OVOL1: variants seen among roughly 807,000 people sequenced by gnomAD.
OVOL1 encodes the protein ovo like transcriptional repressor 1.
A neutral mutation model predicts 21.5 loss-of-function variants in OVOL1; 10 were observed. The observed-to-expected ratio is 0.46, with a 90% CI of 0.29 to 0.79. The LOEUF (loss-of-function observed/expected upper bound fraction) is 0.79. OVOL1 is among the 30% of genes least tolerant of loss of function. OVOL1 has a pLI of 0.10. For missense variants in OVOL1, 279 were observed against 362.3 expected, an observed-to-expected ratio of 0.77 and a Z score of 1.87; for synonymous variants, 129 against 150.3, an observed-to-expected ratio of 0.86 and a Z score of 1.03.
At chr11:65,789,111 A>T (rs1857958723) in intron 1 of OVOL1, 1 of 958,240 alleles carries the variant, frequency 1.0e-6, no homozygotes, top group Non-Finnish European at 1.2e-6. Flanking sequence ...TTTATTTCAC[A>T]TCCCAATCAG....
Position 65,788,962 on chromosome 11 carries a change from C to G in OVOL1, c.100+1489C>G, listed in dbSNP as rs192037147. 1.7e-4 allele frequency: 171 copies of G among 986,058 alleles called. 2 individuals are homozygous for G. The East Asian group carries it at 0.017, about 97-fold the overall frequency. 61.1% of individuals were successfully genotyped at this position (986,058 alleles called of 1,614,324 possible). ...ACGCAGAGGGCCAGAGCCCCCTCCC[C>G]GCTCCGCCCTCCGCCCTCCACCCTC... On this transcript the variant is annotated intron_variant, in intron 1 of 3. Transcript: ENST00000335987.
chr11:65,793,169 G>A (rs530783194), intron 1 of OVOL1, among the ~76,000 whole-genome samples: 2 of 152,226 alleles, frequency 1.3e-5, no homozygotes, highest in Non-Finnish European at 2.9e-5. Context: ...TCCCTCGAGA[G>A]TGCTCTCTTT....
Position 65,794,188 on chromosome 11 carries a change from C to T in OVOL1, c.258C>T (p.Asp86=), listed in dbSNP as rs752273182. 1 of 1,613,648 alleles carries T rather than the reference C, an allele frequency of 6.2e-7. No individual in the cohort carries two copies. Among genetic ancestry groups the T allele is most frequent in the Non-Finnish European group, 8.5e-7 (1 of 1,180,012 alleles). The change falls in exon 2 of 4, where the codon GAC becomes GAT. Residue 86 remains aspartate (D), a synonymous_variant. Coordinates refer to ENST00000335987, the MANE Select transcript of OVOL1 (RefSeq NM_004561.4). The stretch of plus-strand genomic sequence containing the variant: ...TGGTGGCCCAGCTGCCCTCTGAAGA[C>T]ATGGGCCACTTGACAGACCCCCAGA... ...PCVVAQLPSE[D]MGHLTDPQSR... is the part of the protein sequence containing the mutation.
intron 1 of OVOL1, chr11:65,788,419 C>T: frequency 2.0e-6 from 2 of 982,438 alleles, no homozygotes; most frequent in Non-Finnish European, 2.4e-6. Context: ...CGCCCCCTCC[C>T]CAGGCCTTGG....
At chr11:65,791,191 C>A (rs1166923883) in intron 1 of OVOL1, among the ~76,000 whole-genome samples, 2 of 152,228 alleles carry the variant, frequency 1.3e-5, no homozygotes, top group Non-Finnish European at 2.9e-5. Context: ...GAGACTGGCC[C>A]ATGCGTTACC....
In OVOL1 at chr11:65,794,635, G is replaced by A. The variant is rs374601885; in HGVS notation, c.416G>A (p.Cys139Tyr). ...YQRMLNRHMK[C>Y]HNDVKRHLCT... is the part of the protein sequence containing the mutation. The stretch of plus-strand genomic sequence containing the variant: ...CGCATGCTGAACCGCCACATGAAGT[G>A]TCACAACGACGTCAAGAGGCACCTC... Residue 139 changes from cysteine to tyrosine, a missense_variant, in exon 3 of 4, where the codon TGT (cysteine) becomes TAT (tyrosine). Coordinates refer to ENST00000335987, the MANE Select transcript of OVOL1 (RefSeq NM_004561.4). The A allele has an allele frequency of 6.8e-6, 11 of 1,613,652 alleles. No homozygotes were observed. Among genetic ancestry groups the A allele is most frequent in the Non-Finnish European group, 8.5e-7 (1 of 1,180,034 alleles).
At chr11:65,791,271 G>T (rs948345246) in intron 1 of OVOL1, among the ~76,000 whole-genome samples, 1 of 152,204 alleles carries the variant, frequency 6.6e-6, no homozygotes, top group African/African-American at 2.4e-5. Flanking sequence ...GGGACCAGAG[G>T]AGATGGGCAC....
At chr11:65,787,529 G>A in intron 1 of OVOL1, 56 bp downstream of exon 1, 1 of 1,039,794 alleles carries the variant, frequency 9.6e-7, no homozygotes, top group African/African-American at 1.7e-5. Flanking sequence ...CGAGGCTGCG[G>A]GCGGGCGGGC....
chr11:65,794,339 A>G, intron 2 of OVOL1, 91 bp downstream of exon 2: 2 of 1,285,778 alleles, frequency 1.6e-6, no homozygotes, highest in Non-Finnish European at 2.2e-6. Flanking sequence ...AGATGTAGGC[A>G]GAGACTGACC....
chr11:65,789,079 T>C, intron 1 of OVOL1: 2 of 985,280 alleles, frequency 2.0e-6, no homozygotes, highest in Non-Finnish European at 2.4e-6. Context: ...TGAGCCAGGC[T>C]CAGTGTGCTG....
At chr11:65,793,634 G>A (rs568424650) in intron 1 of OVOL1, 1 of 262,352 alleles carries the variant, frequency 3.8e-6, no homozygotes, top group African/African-American at 2.3e-5. Context: ...CTTCTGATGA[G>A]GCTCCAAGAG....
intron 1 of OVOL1, chr11:65,789,690 C>T: frequency 3.0e-6 from 3 of 985,398 alleles, no homozygotes; most frequent in Non-Finnish European, 3.6e-6. Flanking sequence ...CTCACAGATT[C>T]CTGGTAAGTT....
At chr11:65,791,268 G>A (rs1858011234) in intron 1 of OVOL1, among the ~76,000 whole-genome samples, 3 of 152,206 alleles carry the variant, frequency 2.0e-5, no homozygotes, top group Admixed American at 6.5e-5. Flanking sequence ...ATGGGGACCA[G>A]AGGAGATGGG....
intron 1 of OVOL1, among the ~76,000 whole-genome samples, chr11:65,792,765 C>T (rs550042972): frequency 1.3e-4 from 20 of 152,328 alleles, no homozygotes; most frequent in African/African-American, 4.6e-4. Flanking sequence ...TTTGAGGGGG[C>T]GAGAGCTGGG....
chr11:65,794,309 C>A, intron 2 of OVOL1, 61 bp downstream of exon 2: 2 of 1,444,470 alleles, frequency 1.4e-6, no homozygotes, highest in Non-Finnish European at 9.7e-7. Flanking sequence ...GCGTCCAGCT[C>A]ATGAGACATG....
Position 65,793,096 on chromosome 11 carries a change from A to G in OVOL1, c.101-935A>G, listed in dbSNP as rs115115139. ...AAGTACTGAGCTCAGGCTCTTTGGAAGAAAAATATTAAGTTGAAAAATTTG... is the reference window on the plus strand; with the variant it reads ...AAGTACTGAGCTCAGGCTCTTTGGAGGAAAAATATTAAGTTGAAAAATTTG... On this transcript the variant is annotated intron_variant, in intron 1 of 3. Coordinates refer to ENST00000335987, the MANE Select transcript of OVOL1 (RefSeq NM_004561.4). 4.7e-3 allele frequency among the ~76,000 whole-genome samples: 723 copies of G among 152,378 alleles called. 3 individuals carry two copies. The highest frequency in any genetic ancestry group is 0.017 in the African/African-American group (689 of 41,592).
chr11:65,793,246 A>G (rs1240935568), intron 1 of OVOL1, among the ~76,000 whole-genome samples: 2 of 152,020 alleles, frequency 1.3e-5, no homozygotes, highest in African/African-American at 4.8e-5. Flanking sequence ...GTTCGGTGTG[A>G]GGTGTCTGCC....
chr11:65,794,720 T>C lies in OVOL1; in HGVS notation c.501T>C (p.Thr167=). Residue 167 remains threonine, a synonymous_variant, in exon 3 of 4, where the codon ACT becomes ACC. Transcript: ENST00000335987. ...TCGACCTCAAGAGACACGTCCGAAC[T>C]CACACTGGTAAGTGGAAGCCCACGG... is the stretch of plus-strand genomic sequence containing the variant. ...DTFDLKRHVR[T]HTGVRPYKCS... is the part of the protein sequence containing the mutation. The C allele has an allele frequency of 6.2e-7, 1 of 1,613,316 alleles. No homozygotes were observed. The highest frequency in any genetic ancestry group is 8.5e-7 in the Non-Finnish European group (1 of 1,179,936).
chr11:65,791,070 GCA>G (rs1320469263), intron 1 of OVOL1, among the ~76,000 whole-genome samples: 3 of 152,228 alleles, frequency 2.0e-5, no homozygotes, highest in African/African-American at 7.2e-5. Flanking sequence ...GAGGGCCGAG[GCA>G]CAGTTTTAAC....
Sources: allele counts gnomAD v4.1 joint callset (sites outside exome capture counted in the v4.1 genomes callset), GRCh38; gene constraint gnomAD v4.1.1; transcripts MANE v1.5; gene names NCBI Gene and HGNC (gene_info 2026-07-23, HGNC 2026-07-21).